AGBL4: variants seen among roughly 807,000 people sequenced by gnomAD.
AGBL4 encodes the protein AGBL carboxypeptidase 4, also known as cytosolic carboxypeptidase 6.
In AGBL4, 58 loss-of-function variants were observed where a neutral mutation model predicts 66.4. That is an observed-to-expected ratio of 0.87 (90% confidence interval 0.71 to 1.09). AGBL4 has a LOEUF of 1.09. Ranked by LOEUF, AGBL4 falls within the 50% of genes least tolerant of loss-of-function variation. The pLI is 0.00. For synonymous variants in AGBL4, 234 were observed against 222.9 expected, an observed-to-expected ratio of 1.05 and a Z score of -0.44; for missense variants, 579 against 631.0, an observed-to-expected ratio of 0.92 and a Z score of 0.88.
chr1:49,217,159 AACT>A (rs1316805832), intron 4 of AGBL4, among the ~76,000 whole-genome samples: 2 of 151,964 alleles, frequency 1.3e-5, no homozygotes, highest in Non-Finnish European at 2.9e-5. Context: ...AGAGAGAGAG[AACT>A]ACTATTTCTT....
intron 6 of AGBL4, chr1:48,776,977 A>G (rs1347529655): frequency 4.8e-6 from 1 of 209,406 alleles, no homozygotes; most frequent in Non-Finnish European, 8.4e-6. Context: ...CCCCACTGTT[A>G]TTGTTCCTGA....
At chr1:49,317,027 A>G (rs1645050681) in intron 3 of AGBL4, among the ~76,000 whole-genome samples, 1 of 151,926 alleles carries the variant, frequency 6.6e-6, no homozygotes, top group African/African-American at 2.4e-5. Flanking sequence ...AAACATATAT[A>G]GCATTTTACA....
At chr1:49,289,003 C>T (rs1644483540) in intron 3 of AGBL4, among the ~76,000 whole-genome samples, 1 of 151,826 alleles carries the variant, frequency 6.6e-6, no homozygotes, top group Non-Finnish European at 1.5e-5. Context: ...AAATGAGACA[C>T]ACACACACAC....
chr1:48,689,899 C>G (rs908368906), intron 6 of AGBL4, among the ~76,000 whole-genome samples: 1 of 152,146 alleles, frequency 6.6e-6, no homozygotes, highest in African/African-American at 2.4e-5. Context: ...AGTGAGAGAC[C>G]CTGTCTGAAA....
intron 4 of AGBL4, among the ~76,000 whole-genome samples, chr1:49,061,960 G>A (rs1343765209): frequency 6.6e-6 from 1 of 152,168 alleles, no homozygotes; most frequent in Admixed American, 6.5e-5. Context: ...ACAGCAGGAG[G>A]TGAGCTGTGG....
chr1:48,773,525 G>A (rs1644935277), intron 6 of AGBL4, among the ~76,000 whole-genome samples: 1 of 152,166 alleles, frequency 6.6e-6, no homozygotes, highest in South Asian at 2.1e-4. Flanking sequence ...AGGGAGGATG[G>A]TAATGGAGAA....
At chr1:49,104,136 C>T (rs1048387496) in intron 4 of AGBL4, among the ~76,000 whole-genome samples, 1 of 152,138 alleles carries the variant, frequency 6.6e-6, no homozygotes, top group Non-Finnish European at 1.5e-5. Flanking sequence ...TCCTTCTTCA[C>T]CTGCTAAATA....
chr1:50,010,329 C>G (rs1661438090), intron 1 of AGBL4, among the ~76,000 whole-genome samples: 1 of 151,798 alleles, frequency 6.6e-6, no homozygotes, highest in African/African-American at 2.4e-5. Context: ...ATTCAACATT[C>G]ATGGATTGGA....
intron 5 of AGBL4, among the ~76,000 whole-genome samples, chr1:48,936,437 C>A (rs1197474304): frequency 1.3e-5 from 2 of 152,050 alleles, no homozygotes; most frequent in South Asian, 2.1e-4. Context: ...TGTCTGAGAC[C>A]AAAAGAGACA....
intron 8 of AGBL4, among the ~76,000 whole-genome samples, chr1:48,640,248 T>C (rs1487961528): frequency 6.6e-6 from 1 of 152,198 alleles, no homozygotes; most frequent in Non-Finnish European, 1.5e-5. Context: ...ATAATGTCTT[T>C]ATTTTGAGTT....
chr1:48,577,637 G>A (rs1045013928), intron 11 of AGBL4, among the ~76,000 whole-genome samples: 1 of 152,162 alleles, frequency 6.6e-6, no homozygotes, highest in African/African-American at 2.4e-5. Context: ...TGATCTGGAG[G>A]TGAGAGGCAG....
intron 4 of AGBL4, among the ~76,000 whole-genome samples, chr1:49,097,969 A>G (rs1375134252): frequency 2.0e-5 from 3 of 152,342 alleles, no homozygotes; most frequent in East Asian, 1.9e-4. Context: ...CAGACATAAT[A>G]TACTACCTAG....
chr1:49,875,144 A>G (rs1158579119), intron 1 of AGBL4, among the ~76,000 whole-genome samples: 1 of 137,712 alleles, frequency 7.3e-6, no homozygotes. Context: ...TTTTATTATT[A>G]CTATTATTAT....
chr1:48,945,979 C>A (rs1412002780), intron 5 of AGBL4, among the ~76,000 whole-genome samples: 1 of 152,172 alleles, frequency 6.6e-6, no homozygotes, highest in Non-Finnish European at 1.5e-5. Context: ...TTAGTGCTAG[C>A]TAATTATTAT....
chr1:48,653,995 T>G (rs558378504), intron 7 of AGBL4, among the ~76,000 whole-genome samples: 1 of 152,174 alleles, frequency 6.6e-6, no homozygotes, highest in Non-Finnish European at 1.5e-5. Context: ...TTTCATGTAC[T>G]CCAAATGTGC....
At chr1:48,551,536 G>T (rs529163124) in intron 11 of AGBL4, among the ~76,000 whole-genome samples, 20 of 152,104 alleles carry the variant, frequency 1.3e-4, no homozygotes, top group Non-Finnish European at 2.1e-4. Context: ...AGCATGTTAG[G>T]CCTATGAACA....
chr1:49,066,049 A>G (rs530579226), intron 4 of AGBL4, among the ~76,000 whole-genome samples: 15 of 152,328 alleles, frequency 9.8e-5, no homozygotes, highest in Admixed American at 1.3e-4. Context: ...GTAAGGGGAA[A>G]AAGAAGAGGA....
chr1:49,633,648 G>C lies in AGBL4; in HGVS notation c.282+63665C>G, dbSNP rs1266271222. Among the ~76,000 whole-genome samples the C allele has an allele frequency of 2.0e-5, 3 of 151,950 alleles. No homozygotes were observed. In the East Asian group the frequency reaches 5.8e-4, roughly 29 times the overall value. ...TAATCTAGCCTGGGGGACAGAGTGA[G>C]ACTGTCTCAAAAAATTAAATAAACA... On this transcript the variant is annotated intron_variant, in intron 3 of 13. Transcript: ENST00000371839.
chr1:49,950,088 A>G (rs970346509), intron 1 of AGBL4, among the ~76,000 whole-genome samples: 2 of 143,796 alleles, frequency 1.4e-5, no homozygotes, highest in African/African-American at 2.5e-5. Flanking sequence ...ATATGTGTAT[A>G]TATATACACA....
Sources: allele counts gnomAD v4.1 joint callset (sites outside exome capture counted in the v4.1 genomes callset), GRCh38; gene constraint gnomAD v4.1.1; transcripts MANE v1.5; gene names NCBI Gene and HGNC (gene_info 2026-07-23, HGNC 2026-07-21).